Variants in SPEF1 observed in about 807,000 individuals in gnomAD.
SPEF1 encodes the protein sperm flagella and cilia-associated protein 1.
A neutral mutation model predicts 31.8 loss-of-function variants in SPEF1; 30 were observed. The observed-to-expected ratio is 0.94, with a 90% CI of 0.70 to 1.28. The LOEUF is 1.28. Among genes scored for constraint, SPEF1 ranks in the 50% most tolerant of loss-of-function variants. The pLI, the probability that SPEF1 is intolerant of heterozygous loss-of-function variation, is 0.00. For synonymous variants in SPEF1, 126 were observed against 130.1 expected, an observed-to-expected ratio of 0.97 and a Z score of 0.21; for missense variants, 298 against 309.6, an observed-to-expected ratio of 0.96 and a Z score of 0.28.
chr20:3,780,062 G>T (rs1363755864), intron 1 of SPEF1, among the ~76,000 whole-genome samples: 2 of 152,088 alleles, frequency 1.3e-5, no homozygotes, highest in African/African-American at 4.8e-5. Flanking sequence ...GAGTCAGCCA[G>T]TGCAGGGGCT....
In SPEF1 at chr20:3,778,560, G is replaced by C. The variant is rs1186404981; in HGVS notation, c.480-16C>G. The C allele has an allele frequency of 3.1e-6, 5 of 1,597,658 alleles. No individual in the cohort carries two copies. In the Admixed American group the frequency reaches 6.9e-5, roughly 22 times the overall value. On this transcript the variant is annotated splice_polypyrimidine_tract_variant and intron_variant, in intron 5 of 6. Transcript: ENST00000379756. Reference sequence around the variant, plus strand: ...CCGGTCCCAGCTGGGGTGGGAAGCAGCTTAGCGGAGGCTTGGACCTCGGGC... The same window carrying C: ...CCGGTCCCAGCTGGGGTGGGAAGCACCTTAGCGGAGGCTTGGACCTCGGGC...
At chr20:3,779,810 G>A in intron 1 of SPEF1, 35 bp from the exon 2 acceptor site, 2 of 1,113,696 alleles carry the variant, frequency 1.8e-6, no homozygotes, top group Non-Finnish European at 2.7e-6. Context: ...GAAAGTGGGG[G>A]CATGGGTAAG....
chr20:3,779,346 T>C lies in SPEF1; in HGVS notation c.228A>G (p.Val76=). 1.9e-6 allele frequency: 3 copies of C among 1,594,632 alleles called. No individual in the cohort carries two copies. The highest frequency in any genetic ancestry group is 2.6e-6 in the Non-Finnish European group (3 of 1,166,414). ...LSNWGHLNRK[V]LKRLNFSVPD... is the part of the protein sequence containing the mutation. ...GTACTGAAAAGTTCAGCCTCTTCAG[T>C]ACCTTCCTGAGGGGTAGACATTGGG... Residue 76 remains valine, a synonymous_variant, in exon 3 of 7, where the codon GTA becomes GTG. Coordinates refer to ENST00000379756, the MANE Select transcript of SPEF1 (RefSeq NM_015417.5).
At position 3,778,503 on chromosome 20, in the gene SPEF1, C is replaced by T; in HGVS notation, c.521G>A (p.Arg174Gln). Residue 174 changes from arginine to glutamine, a missense_variant, in exon 6 of 7, where the codon CGG becomes CAG. Physicochemically the swap from Arg to Gln is conservative, Grantham distance 43. Coordinates refer to ENST00000379756, the MANE Select transcript of SPEF1 (RefSeq NM_015417.5). ...PPAPRPPAYN[R>Q]ALQGDPSFVL... ...GAAGCTGGGGTCGCCCTGCAACGCC[C>T]GGTTATACGCTGGAGGCCGAGGCGC... 1.2e-6 allele frequency: 2 copies of T among 1,612,298 alleles called. No individual in the cohort carries two copies. Among genetic ancestry groups the T allele is most frequent in the Non-Finnish European group, 8.5e-7 (1 of 1,179,680 alleles).
In SPEF1 at chr20:3,778,512, G is replaced by A. The variant is rs1467289393; in HGVS notation, c.512C>T (p.Ala171Val). 6.2e-7 allele frequency: 1 copy of A among 1,611,196 alleles called. No homozygotes were observed. Among genetic ancestry groups the A allele is most frequent in the East Asian group, 2.2e-5 (1 of 44,828 alleles). The part of the protein sequence containing the change: ...WDRPPAPRPP[A>V]YNRALQGDPS... Reference sequence around the variant, plus strand: ...GTCGCCCTGCAACGCCCGGTTATACGCTGGAGGCCGAGGCGCCGGCGGCCG... The same window carrying A: ...GTCGCCCTGCAACGCCCGGTTATACACTGGAGGCCGAGGCGCCGGCGGCCG... The change falls in exon 6 of 7, where the codon GCG (alanine) becomes GTG (valine). Residue 171 changes from alanine to valine, a missense_variant. By Grantham distance (64) the Ala-to-Val change is moderately conservative. Coordinates refer to ENST00000379756, the MANE Select transcript of SPEF1 (RefSeq NM_015417.5).
chr20:3,778,584 G>T (rs1429971662), intron 5 of SPEF1, 40 bp from the exon 6 acceptor site: 1 of 1,583,576 alleles, frequency 6.3e-7, no homozygotes, highest in Admixed American at 1.8e-5. Flanking sequence ...TGGACCTCGG[G>T]CCCTACACTC....
In SPEF1 at chr20:3,778,287, G is replaced by C; in HGVS notation, c.636C>G (p.His212Gln). The C allele has an allele frequency of 6.2e-7, 1 of 1,612,542 alleles. No homozygotes were observed. The highest frequency in any genetic ancestry group is 8.5e-7 in the Non-Finnish European group (1 of 1,179,036). The change falls in exon 7 of 7, where the codon CAC (histidine) becomes CAG (glutamine). Residue 212 changes from histidine to glutamine, a missense_variant. His to Gln is a conservative substitution (Grantham distance 24). Coordinates refer to ENST00000379756, the MANE Select transcript of SPEF1 (RefSeq NM_015417.5). Reference protein sequence around the residue: ...VLQMKVRRLEHLLQLKNVRIE... With the variant: ...VLQMKVRRLEQLLQLKNVRIE... Reference sequence around the variant, plus strand: ...TCCGCACATTCTTGAGCTGGAGCAGGTGCTCCAGGCGCCTTACCTTCATCT... The same window carrying C: ...TCCGCACATTCTTGAGCTGGAGCAGCTGCTCCAGGCGCCTTACCTTCATCT...
In SPEF1 at chr20:3,778,229, C is replaced by A; in HGVS notation, c.694G>T (p.Glu232Ter). 1 of 1,597,988 alleles carries A rather than the reference C, an allele frequency of 6.3e-7. No individual in the cohort carries two copies. The highest frequency in any genetic ancestry group is 1.1e-5 in the South Asian group (1 of 89,516). Residue 232 changes from glutamate (E) to a stop codon, truncating the protein, a stop_gained, in exon 7 of 7, where the codon GAG becomes TAG. Coordinates refer to ENST00000379756, the MANE Select transcript of SPEF1 (RefSeq NM_015417.5). LOFTEE classifies it high-confidence loss of function. The stretch of plus-strand genomic sequence containing the variant: ...GCCGCCGCTCACCGCTGCTTACGCT[C>A]CGCCTGCTGGAGCCGCCGGGAGAGG... ...EDLSRRLQQAERKQR is the reference protein window; with the variant it reads ...EDLSRRLQQA
In SPEF1 at chr20:3,779,702, A is replaced by G. The variant is rs756609246; in HGVS notation, c.183T>C (p.Ser61=). 1.2e-6 allele frequency: 2 copies of G among 1,613,864 alleles called. No individual in the cohort carries two copies. Among genetic ancestry groups the G allele is most frequent in the Non-Finnish European group, 1.7e-6 (2 of 1,179,916 alleles). The change falls in exon 2 of 7, where the codon TCT becomes TCC. Residue 61 remains serine (S), a synonymous_variant. Coordinates refer to ENST00000379756, the MANE Select transcript of SPEF1 (RefSeq NM_015417.5). ...CCCAGTTGCTGAGCTTCTGCTGGAG[A>G]GAGTTGGCGGGGACATAATTGTGCA... ...VEMHNYVPAN[S]LQQKLSNWGH...
In SPEF1 at chr20:3,777,953, T is replaced by G; in HGVS notation, c.*259A>C. 2.1e-6 allele frequency: 1 copy of G among 467,114 alleles called. No individual in the cohort carries two copies. The highest frequency in any genetic ancestry group is 3.8e-6 in the Non-Finnish European group (1 of 261,298). The allele number at this position is 467,114 out of a possible 1,614,324, so 28.9% of individuals were successfully genotyped here. A position where few individuals can be genotyped will look rare whatever the true frequency, so the allele number is the denominator to read the frequency against. ...GTCTCTGCACGTGGCTTCTGGGCTC[T>G]GGAAAGCGGTCCATTCTCCTGACCC... On this transcript the variant is annotated 3_prime_UTR_variant, in exon 7 of 7. Transcript: ENST00000379756. This position sits in a 1 kb window ranked among gnomAD's most constrained non-coding sequence, Gnocchi z 4.1.
chr20:3,778,508 A>G lies in SPEF1; in HGVS notation c.516T>C (p.Tyr172=), dbSNP rs1170209377. The change falls in exon 6 of 7, where the codon TAT becomes TAC. Residue 172 remains tyrosine (Y), a synonymous_variant. Transcript: ENST00000379756. ...TGGGGTCGCCCTGCAACGCCCGGTT[A>G]TACGCTGGAGGCCGAGGCGCCGGCG... ...DRPPAPRPPA[Y]NRALQGDPSF... is the part of the protein sequence containing the mutation. 3 of 1,612,160 alleles carry G rather than the reference A, an allele frequency of 1.9e-6. No homozygotes were observed. The highest frequency in any genetic ancestry group is 1.7e-5 in the Admixed American group (1 of 59,888).
chr20:3,778,390 C>T (rs770897721), intron 6 of SPEF1, 31 bp downstream of exon 6: 3 of 1,613,700 alleles, frequency 1.9e-6, no homozygotes, highest in Non-Finnish European at 2.5e-6. Context: ...TGGCCGCGAG[C>T]CCCCACCCGC....
chr20:3,780,908 A>T (rs995989612), intron 1 of SPEF1, among the ~76,000 whole-genome samples: 3 of 152,336 alleles, frequency 2.0e-5, no homozygotes, highest in South Asian at 4.1e-4. Context: ...ACATATGCAG[A>T]CACATATCTT....
chr20:3,778,351 C>A, intron 6 of SPEF1, 32 bp from the exon 7 acceptor site: 2 of 1,612,260 alleles, frequency 1.2e-6, no homozygotes, highest in South Asian at 1.1e-5. Flanking sequence ...TCAAGCCTGG[C>A]GGTCTGCTCC....
chr20:3,778,399 G>A (rs759676214), intron 6 of SPEF1, 22 bp downstream of exon 6: 1 of 1,613,746 alleles, frequency 6.2e-7, no homozygotes. Flanking sequence ...GCCCCCACCC[G>A]CAGCCTTCCT....
chr20:3,778,146 T>TG lies in SPEF1; in HGVS notation c.*65dup. On this transcript the variant is annotated 3_prime_UTR_variant, in exon 7 of 7. Coordinates refer to ENST00000379756, the MANE Select transcript of SPEF1 (RefSeq NM_015417.5). ...TCCCAATGGTCTATCCATCGGTGGG[T>TG]GGGTCCGGCGCGGCGTCGGGGCTCT... is the stretch of plus-strand genomic sequence containing the variant. The TG allele has an allele frequency of 2.6e-6, 3 of 1,170,310 alleles. No homozygotes were observed. The highest frequency in any genetic ancestry group is 3.6e-6 in the Non-Finnish European group (3 of 844,390). The allele number at this position is 1,170,310 out of a possible 1,614,324, so 72.5% of individuals were successfully genotyped here.
Position 3,778,139 on chromosome 20 carries a change from C to T in SPEF1, c.*73G>A, listed in dbSNP as rs758628742. 12 of 1,106,482 alleles carry T rather than the reference C, an allele frequency of 1.1e-5. No individual in the cohort carries two copies. The highest frequency in any genetic ancestry group is 1.4e-5 in the Non-Finnish European group (11 of 787,866). The allele number at this position is 1,106,482 out of a possible 1,614,324, so 68.5% of individuals were successfully genotyped here. On this transcript the variant is annotated 3_prime_UTR_variant, in exon 7 of 7. Transcript: ENST00000379756. The stretch of plus-strand genomic sequence containing the variant: ...TCCGCCCTCCCAATGGTCTATCCAT[C>T]GGTGGGTGGGTCCGGCGCGGCGTCG...
rs751563404 is a variant in SPEF1 at position 3,778,953 on chromosome 20, A to C, written c.416T>G (p.Val139Gly). Residue 139 changes from valine to glycine, a missense_variant and splice_region_variant, in exon 4 of 7, where the codon GTG becomes GGG. Transcript: ENST00000379756. ...APQDGSGYMDVGVSQKARGEG... is the reference protein window; with the variant it reads ...APQDGSGYMDGGVSQKARGEG... The stretch of plus-strand genomic sequence containing the variant: ...AGAAATGGAAAAGGCCACCTTACCC[A>C]CATCCATGTAGCCACTGCCATCCTG... 6.2e-7 allele frequency: 1 copy of C among 1,614,150 alleles called. No homozygotes were observed. The highest frequency in any genetic ancestry group is 8.5e-7 in the Non-Finnish European group (1 of 1,180,004).
intron 1 of SPEF1, among the ~76,000 whole-genome samples, chr20:3,780,171 C>G (rs1410435703): frequency 6.6e-6 from 1 of 151,700 alleles, no homozygotes; most frequent in Non-Finnish European, 1.5e-5. Context: ...AACCCCATCT[C>G]TACTAAAAAT....
Sources: allele counts gnomAD v4.1 joint callset (sites outside exome capture counted in the v4.1 genomes callset), GRCh38; gene constraint gnomAD v4.1.1; non-coding constraint Gnocchi (gnomAD v3.1); transcripts MANE v1.5; gene names NCBI Gene and HGNC (gene_info 2026-07-23, HGNC 2026-07-21).